Variants in EDIL3 observed in about 807,000 individuals in gnomAD.
The protein encoded by EDIL3 is EGF like and discoidin domains 3, also known as EGF-like repeat and discoidin I-like domain-containing protein 3.
A neutral mutation model predicts 67.4 loss-of-function variants in EDIL3; 37 were observed. That is an observed-to-expected ratio of 0.55 (90% CI 0.42 to 0.72). The LOEUF is 0.72. EDIL3 is among the 30% of genes least tolerant of loss of function. The probability of loss-of-function intolerance (pLI) is 0.00; values close to 1 mark genes in which losing one functional copy is unlikely to be tolerated. For synonymous variants in EDIL3, 195 were observed against 196.3 expected, an observed-to-expected ratio of 0.99 and a Z score of 0.05; for missense variants, 527 against 586.3, an observed-to-expected ratio of 0.90 and a Z score of 1.04.
intron 1 of EDIL3, among the ~76,000 whole-genome samples, chr5:84,364,380 A>G (rs1747685093): frequency 6.6e-6 from 1 of 152,190 alleles, no homozygotes; most frequent in Non-Finnish European, 1.5e-5. Context: ...ACGAATTCAT[A>G]TTGCTTTGGA....
chr5:83,986,187 T>C (rs956509813), intron 9 of EDIL3, among the ~76,000 whole-genome samples: 1 of 152,052 alleles, frequency 6.6e-6, no homozygotes, highest in African/African-American at 2.4e-5. Flanking sequence ...GTTAAAGCAA[T>C]AGCTAGTTTA....
intron 3 of EDIL3, among the ~76,000 whole-genome samples, chr5:84,185,892 T>A (rs1253613883): frequency 6.6e-6 from 1 of 152,126 alleles, no homozygotes; most frequent in East Asian, 1.9e-4. Context: ...ATTAACTGTT[T>A]GAGTTACTTA....
intron 9 of EDIL3, among the ~76,000 whole-genome samples, chr5:84,011,077 C>G (rs1325097067): frequency 6.6e-6 from 1 of 152,164 alleles, no homozygotes; most frequent in Admixed American, 6.6e-5. Context: ...AAAGCTAAAC[C>G]TCTGACTATA....
At chr5:83,954,855 G>A (rs935150016) in intron 10 of EDIL3, among the ~76,000 whole-genome samples, 1 of 151,738 alleles carries the variant, frequency 6.6e-6, no homozygotes, top group African/African-American at 2.4e-5. Flanking sequence ...TATTCAAAAT[G>A]CTAATTTTCT....
chr5:84,302,236 T>A (rs1321855137), intron 1 of EDIL3, among the ~76,000 whole-genome samples: 1 of 152,184 alleles, frequency 6.6e-6, no homozygotes, highest in African/African-American at 2.4e-5. Flanking sequence ...GCAGCTTACA[T>A]TAGCACATTC....
chr5:84,068,399 T>A (rs1746680193), intron 6 of EDIL3, among the ~76,000 whole-genome samples: 1 of 152,182 alleles, frequency 6.6e-6, no homozygotes. Flanking sequence ...TCATTTCAAT[T>A]ATCTTGTTTA....
rs538842587 is a variant in EDIL3, at chr5:84,364,207, T to G, written c.67+20101A>C. Among the ~76,000 whole-genome samples, 6 of 152,296 alleles carry G rather than the reference T, an allele frequency of 3.9e-5. No individual in the cohort carries two copies. In the East Asian group the frequency reaches 1.2e-3, roughly 29 times the overall value. ...GGTTCTGAAATCATTTCCTGTGTATTGCTTCATTTTTATCTTGATCATTAC... is the reference window on the plus strand; with the variant it reads ...GGTTCTGAAATCATTTCCTGTGTATGGCTTCATTTTTATCTTGATCATTAC... On this transcript the variant is annotated intron_variant, in intron 1 of 10. Transcript: ENST00000296591.
intron 9 of EDIL3, among the ~76,000 whole-genome samples, chr5:83,977,276 C>A (rs1300945578): frequency 6.6e-6 from 1 of 151,694 alleles, no homozygotes; most frequent in Non-Finnish European, 1.5e-5. Flanking sequence ...CAAGTGAAAA[C>A]ATTTTATGCA....
chr5:84,123,909 C>G (rs951557801), intron 5 of EDIL3, among the ~76,000 whole-genome samples: 1 of 151,900 alleles, frequency 6.6e-6, no homozygotes, highest in Non-Finnish European at 1.5e-5. Context: ...CAGTTTTCTA[C>G]TATTTTTTCT....
At chr5:83,974,324 G>A (rs761516600) in intron 9 of EDIL3, among the ~76,000 whole-genome samples, 1 of 151,610 alleles carries the variant, frequency 6.6e-6, no homozygotes, top group Admixed American at 6.6e-5. Flanking sequence ...TGCCATCAAC[G>A]TTAGCAGTCG....
chr5:84,150,983 G>T (rs1228205815), intron 4 of EDIL3, among the ~76,000 whole-genome samples: 1 of 151,978 alleles, frequency 6.6e-6, no homozygotes, highest in Admixed American at 6.6e-5. Flanking sequence ...TATCATCACA[G>T]AAAGTAAATC....
chr5:84,047,148 C>A (rs958031388), intron 9 of EDIL3, among the ~76,000 whole-genome samples: 3 of 152,040 alleles, frequency 2.0e-5, no homozygotes, highest in Admixed American at 6.6e-5. Context: ...TTTTAATGTA[C>A]CACTAGAGCT....
At chr5:84,220,366 G>A (rs62363004) in intron 3 of EDIL3, among the ~76,000 whole-genome samples, 51,970 of 151,992 alleles carry the variant, frequency 0.34, 9,455 homozygotes, top group African/African-American at 0.48. Context: ...AGGCTATGGG[G>A]TAGTTGGGAT....
rs750857559 is a variant in EDIL3 at position 84,129,089 on chromosome 5, T to C, written c.469+8152A>G. Among the ~76,000 whole-genome samples, 4 of 152,264 alleles carry C rather than the reference T, an allele frequency of 2.6e-5. No individual in the cohort carries two copies. The South Asian group carries it at 8.3e-4, about 32-fold the overall frequency. On this transcript the variant is annotated intron_variant, in intron 5 of 10. Coordinates refer to ENST00000296591, the MANE Select transcript of EDIL3 (RefSeq NM_005711.5). ...ACTTTAAGGTACAGTAGGTGAACCT[T>C]CAAAGTGTGATAATTCTGTACAAAA...
intron 1 of EDIL3, among the ~76,000 whole-genome samples, chr5:84,277,750 T>C (rs1580051081): frequency 6.6e-5 from 10 of 152,280 alleles, no homozygotes; most frequent in Middle Eastern, 3.4e-3. Flanking sequence ...CTTTGTAAAA[T>C]ATTTTTCTCA....
chr5:84,219,355 G>C (rs1336978461), intron 3 of EDIL3, among the ~76,000 whole-genome samples: 4 of 152,192 alleles, frequency 2.6e-5, no homozygotes, highest in Non-Finnish European at 5.9e-5. Context: ...AAAAATTCTT[G>C]AGAAAAATGA....
intron 4 of EDIL3, among the ~76,000 whole-genome samples, chr5:84,147,333 G>A (rs777026950): frequency 1.3e-5 from 2 of 151,940 alleles, no homozygotes; most frequent in Non-Finnish European, 2.9e-5. Flanking sequence ...CATTAGTAGT[G>A]GTGTTGGAAA....
intron 1 of EDIL3, among the ~76,000 whole-genome samples, chr5:84,305,801 C>T (rs1036152041): frequency 6.6e-6 from 1 of 152,028 alleles, no homozygotes; most frequent in Admixed American, 6.6e-5. Context: ...ATTGCTTGAA[C>T]CCAGGAGGCA....
chr5:84,171,485 G>T (rs1179842119), intron 4 of EDIL3, among the ~76,000 whole-genome samples: 6 of 152,174 alleles, frequency 3.9e-5, no homozygotes, highest in Non-Finnish European at 4.4e-5. Context: ...AAAAGTTGTT[G>T]CAGGGGGTGG....
Sources: gnomAD v4.1 joint callset for allele counts (sites outside exome capture counted in the v4.1 genomes callset) on GRCh38, gnomAD v4.1.1 for gene constraint, MANE v1.5 for transcripts, NCBI Gene and HGNC (gene_info 2026-07-23, HGNC 2026-07-21) for gene names.